The following PCDH7 variants were observed in gnomAD, a reference collection of about 807,000 sequenced individuals.
PCDH7 encodes protocadherin 7.
In PCDH7, 17 loss-of-function variants were observed where a neutral mutation model predicts 58.9. The observed-to-expected ratio is 0.29, with a 90% CI of 0.20 to 0.43. PCDH7 has a LOEUF of 0.43. PCDH7 is among the 20% of genes least tolerant of loss of function. PCDH7 has a pLI of 1.00. For missense variants in PCDH7, 1,274 were observed against 1,441.0 expected (o/e 0.88, Z 1.88); for synonymous variants, 664 against 616.4 (o/e 1.08, Z -1.14).
chr4:31,029,567 C>G (rs527909673), intron 3 of PCDH7, among the ~76,000 whole-genome samples: 26 of 152,308 alleles, frequency 1.7e-4, no homozygotes, highest in South Asian at 1.2e-3. Flanking sequence ...TTAGCACTGA[C>G]AAGTCTTGGC....
intron 3 of PCDH7, among the ~76,000 whole-genome samples, chr4:30,951,251 C>T (rs1747332571): frequency 6.6e-6 from 1 of 152,180 alleles, no homozygotes; most frequent in Non-Finnish European, 1.5e-5. Context: ...TTTCAATTTA[C>T]ATACATTTTC....
chr4:30,964,614 CT>C (rs5857217), intron 3 of PCDH7, among the ~76,000 whole-genome samples: 112 of 144,364 alleles, frequency 7.8e-4, no homozygotes, highest in Admixed American at 8.3e-4. Flanking sequence ...CACAAATGGA[CT>C]TTTTTTTTTT....
At chr4:31,052,400 A>T (rs1756829071) in intron 3 of PCDH7, among the ~76,000 whole-genome samples, 1 of 152,156 alleles carries the variant, frequency 6.6e-6, no homozygotes, top group East Asian at 1.9e-4. Flanking sequence ...GAACTTACAG[A>T]TTCTTGGAGT....
Position 30,725,344 on chromosome 4 carries a change from C to G in PCDH7, c.3174+748C>G, listed in dbSNP as rs1321687520. The G allele has an allele frequency of 5.3e-6, 5 of 942,768 alleles. No homozygotes were observed. In the African/African-American group the frequency reaches 8.9e-5, roughly 17 times the overall value. The allele number at this position is 942,768 out of a possible 1,614,324, so 58.4% of individuals were successfully genotyped here. A position where few individuals can be genotyped will look rare whatever the true frequency, so the allele number is the denominator to read the frequency against. On this transcript the variant is annotated intron_variant, in intron 1 of 1. Coordinates refer to ENST00000361762, the Ensembl canonical transcript of PCDH7. Reference sequence around the variant, plus strand: ...TTGCATGAGCCATTTATTATTTAAGCCAAGTAATGAAAATATTCATGATTG... The same window carrying G: ...TTGCATGAGCCATTTATTATTTAAGGCAAGTAATGAAAATATTCATGATTG...
At chr4:30,937,480 TA>T (rs1307411072) in intron 2 of PCDH7, among the ~76,000 whole-genome samples, 6 of 152,154 alleles carry the variant, frequency 3.9e-5, no homozygotes, top group Non-Finnish European at 8.8e-5. Context: ...AGGGAATATT[TA>T]TTTTAATTAT....
At chr4:30,859,692 G>C (rs150330242) in intron 1 of PCDH7, among the ~76,000 whole-genome samples, 1 of 151,932 alleles carries the variant, frequency 6.6e-6, no homozygotes, top group Non-Finnish European at 1.5e-5. Flanking sequence ...CACCAGCCTC[G>C]ACCCCGCAAA....
At position 30,722,771 on chromosome 4, in the gene PCDH7, G is replaced by T. The variant is rs745880446; in HGVS notation, c.1349G>T (p.Arg450Leu). The change falls in exon 1 of 2, where the codon CGA (arginine) becomes CTA (leucine). Residue 450 changes from arginine to leucine, a missense_variant. This residue lies in a region of PCDH7 where 731 missense variants were observed against 881.9 expected (regional missense o/e 0.83). Coordinates refer to ENST00000361762, the Ensembl canonical transcript of PCDH7. The surrounding 1 kb of genome is among the most constrained non-coding windows in gnomAD (Gnocchi z 7.6). The stretch of plus-strand genomic sequence containing the variant: ...ATCGCTCTGGTGCAGGTGTCCGACC[G>T]AGACCAAGGCGAGAACGGGGTGGTC... 3 of 1,613,476 alleles carry T rather than the reference G, an allele frequency of 1.9e-6. No homozygotes were observed. The Admixed American group carries it at 5.0e-5, about 27-fold the overall frequency.
intron 3 of PCDH7, among the ~76,000 whole-genome samples, chr4:31,031,666 A>G (rs1004060312): frequency 6.6e-6 from 1 of 152,212 alleles, no homozygotes; most frequent in Non-Finnish European, 1.5e-5. Context: ...AACTTTTATT[A>G]TTCAGTGTTA....
At chr4:30,827,917 T>C (rs1482038582) in intron 1 of PCDH7, among the ~76,000 whole-genome samples, 9 of 152,118 alleles carry the variant, frequency 5.9e-5, no homozygotes, top group Admixed American at 4.6e-4. Context: ...AGAACTTAGG[T>C]TTTGTAGTTA....
chr4:30,901,730 A>G (rs1025429884), intron 1 of PCDH7, among the ~76,000 whole-genome samples: 4 of 152,092 alleles, frequency 2.6e-5, no homozygotes, highest in African/African-American at 9.7e-5. Flanking sequence ...AGCCTAAGGA[A>G]CTCATGAAAA....
chr4:30,988,061 G>A (rs1411453621), intron 3 of PCDH7, among the ~76,000 whole-genome samples: 6 of 152,094 alleles, frequency 3.9e-5, no homozygotes, highest in African/African-American at 1.4e-4. Context: ...CTGTTCCCTA[G>A]AAAGCACACA....
At chr4:30,854,502 T>A (rs2109349113) in intron 1 of PCDH7, among the ~76,000 whole-genome samples, 1 of 151,956 alleles carries the variant, frequency 6.6e-6, no homozygotes, top group Middle Eastern at 3.4e-3. Context: ...TCAACTTAAA[T>A]ATATGAGGAT....
chr4:31,024,683 G>T (rs1367450656), intron 3 of PCDH7, among the ~76,000 whole-genome samples: 1 of 152,094 alleles, frequency 6.6e-6, no homozygotes, highest in African/African-American at 2.4e-5. Flanking sequence ...GAGAAACAAT[G>T]TGTGATTTTA....
At chr4:31,104,491 C>G (rs1715305137) in intron 3 of PCDH7, among the ~76,000 whole-genome samples, 3 of 152,144 alleles carry the variant, frequency 2.0e-5, no homozygotes, top group Admixed American at 2.0e-4. Context: ...ATGCTTAGTG[C>G]TTCTTGCCAG....
intron 1 of PCDH7, among the ~76,000 whole-genome samples, chr4:30,880,804 C>A (rs1736865429): frequency 1.3e-5 from 2 of 151,992 alleles, no homozygotes; most frequent in Admixed American, 6.6e-5. Flanking sequence ...TATGGTAAAC[C>A]AAACACAGAG....
At chr4:31,040,275 C>T (rs1299971938) in intron 3 of PCDH7, among the ~76,000 whole-genome samples, 3 of 152,158 alleles carry the variant, frequency 2.0e-5, no homozygotes, top group African/African-American at 7.2e-5. Context: ...CCCCACTCTT[C>T]CCTGACTCAT....
At chr4:30,817,448 C>G (rs2109318587) in intron 1 of PCDH7, among the ~76,000 whole-genome samples, 1 of 152,254 alleles carries the variant, frequency 6.6e-6, no homozygotes, top group Admixed American at 6.5e-5. Context: ...ATGCATGAAA[C>G]ATTTGTTTCT....
chr4:30,979,331 AAAAAAAAAG>A (rs1171472463), intron 3 of PCDH7, among the ~76,000 whole-genome samples: 3 of 151,542 alleles, frequency 2.0e-5, no homozygotes, highest in Admixed American at 2.0e-4. Flanking sequence ...GTCTCAAAAA[AAAAAAAAAG>A]AAAAAAAAGA....
At position 30,886,107 on chromosome 4, in the gene PCDH7, C is replaced by A. The variant is rs200918679; in HGVS notation, c.71-34046C>A. Among the ~76,000 whole-genome samples the A allele has an allele frequency of 1.1e-4, 17 of 150,210 alleles. No individual in the cohort carries two copies. The East Asian group carries it at 3.3e-3, about 29-fold the overall frequency. ...ACACCAAAAGCAATGTCAACAAAAG[C>A]CAAAATTGACAAATGGGATCTAATT... On this transcript the variant is annotated intron_variant, in intron 1 of 3. Transcript: ENST00000509759.
Sources: gnomAD v4.1 joint callset for allele counts (sites outside exome capture counted in the v4.1 genomes callset) on GRCh38, gnomAD v4.1.1 for gene constraint, gnomAD v4.1.1 regional missense constraint, Gnocchi (gnomAD v3.1) non-coding constraint, MANE v1.5 for transcripts, NCBI Gene and HGNC (gene_info 2026-07-23, HGNC 2026-07-21) for gene names.